Variants in SCAMP1 observed in about 807,000 individuals in gnomAD.
SCAMP1 encodes the protein secretory carrier membrane protein 1.
In SCAMP1, 15 loss-of-function variants were observed where a neutral mutation model predicts 41.8. The ratio of observed to expected loss-of-function variants is 0.36; its 90% CI spans 0.24 to 0.55. SCAMP1 has a LOEUF of 0.55. Ranked by LOEUF, SCAMP1 falls within the 20% of genes least tolerant of loss-of-function variation. The pLI, the probability that SCAMP1 is intolerant of heterozygous loss-of-function variation, is 0.86. For missense variants in SCAMP1, 341 were observed against 412.6 expected (o/e 0.83, Z 1.50); for synonymous variants, 135 against 136.8 (o/e 0.99, Z 0.09).
chr5:78,380,717 A>T (rs1751184289), intron 1 of SCAMP1, among the ~76,000 whole-genome samples: 1 of 152,220 alleles, frequency 6.6e-6, no homozygotes, highest in African/African-American at 2.4e-5. Context: ...CCAGGCATGT[A>T]TGATTAAGAA....
At chr5:78,441,010 G>T (rs755728807) in intron 6 of SCAMP1, among the ~76,000 whole-genome samples, 6 of 152,230 alleles carry the variant, frequency 3.9e-5, no homozygotes, top group South Asian at 2.1e-4. Flanking sequence ...CTCCGAGCCA[G>T]GCACAGGATA....
At chr5:78,442,734 GTATC>G (rs999905158) in intron 6 of SCAMP1, among the ~76,000 whole-genome samples, 4 of 152,144 alleles carry the variant, frequency 2.6e-5, no homozygotes, top group Admixed American at 1.3e-4. Context: ...TCTACATTGA[GTATC>G]AATTCAAATG....
intron 6 of SCAMP1, among the ~76,000 whole-genome samples, chr5:78,447,535 A>T (rs1753080953): frequency 1.3e-5 from 2 of 152,190 alleles, no homozygotes; most frequent in African/African-American, 4.8e-5. Flanking sequence ...TGCTGCTAGA[A>T]CAATTGGATA....
At chr5:78,458,335 C>CT (rs1439017936) in intron 7 of SCAMP1, among the ~76,000 whole-genome samples, 2 of 152,176 alleles carry the variant, frequency 1.3e-5, no homozygotes, top group Non-Finnish European at 2.9e-5. Flanking sequence ...GTGGTTATTA[C>CT]TTTTTATTTT....
intron 2 of SCAMP1, among the ~76,000 whole-genome samples, chr5:78,415,308 G>A (rs562731006): frequency 6.6e-6 from 1 of 152,260 alleles, no homozygotes; most frequent in African/African-American, 2.4e-5. Context: ...GTTATAAGTA[G>A]CAGTCTGATT....
rs2112269352 is a variant in SCAMP1, at chr5:78,480,466, A to G, written c.*4798A>G. Among the ~76,000 whole-genome samples the G allele has an allele frequency of 6.6e-6, 1 of 152,334 alleles. No individual in the cohort carries two copies. The highest frequency in any genetic ancestry group is 6.5e-5 in the Admixed American group (1 of 15,306). On this transcript the variant is annotated 3_prime_UTR_variant, in exon 9 of 9. Coordinates refer to ENST00000621999, the MANE Select transcript of SCAMP1 (RefSeq NM_004866.6). ...TGTATGCCAGTGATTCTCAAGATAA[A>G]TCATGATTGTAGTAGTTGTTACTGT...
intron 6 of SCAMP1, among the ~76,000 whole-genome samples, chr5:78,449,673 G>T (rs1401892457): frequency 1.3e-5 from 2 of 152,176 alleles, no homozygotes; most frequent in Admixed American, 6.5e-5. Context: ...AAGAGGGATT[G>T]TGGTGCAGTT....
chr5:78,459,153 G>A (rs1191864590), intron 7 of SCAMP1, 92 bp from the exon 8 acceptor site: 11 of 696,946 alleles, frequency 1.6e-5, no homozygotes, highest in African/African-American at 3.6e-5. Flanking sequence ...ATATTGCCTG[G>A]CTGATAAGTG....
intron 8 of SCAMP1, among the ~76,000 whole-genome samples, chr5:78,469,894 AAAAAAAAAAAAAAAAAAAC>A (rs1280540529): frequency 2.3e-4 from 8 of 34,966 alleles, no homozygotes; most frequent in South Asian, 1.1e-3. Context: ...AGACATTAAA[AAAAAAAAAAAAAAAAAAAC>A]AAAAAAAAAA....
In SCAMP1 at chr5:78,360,744, A is replaced by C; in HGVS notation, c.57+16A>C. 6.2e-7 allele frequency: 1 copy of C among 1,602,082 alleles called. No homozygotes were observed. The highest frequency in any genetic ancestry group is 8.5e-7 in the Non-Finnish European group (1 of 1,174,762). On this transcript the variant is annotated intron_variant, in intron 1 of 8. Transcript: ENST00000621999. ...TCCCTTCAAGGTGAGCTTCGGCCCC[A>C]GCATCTCCTGCCGCCGCGACGCGTC... is the stretch of plus-strand genomic sequence containing the variant.
In SCAMP1 at chr5:78,436,486, T is replaced by C. The variant is rs142006913; in HGVS notation, c.633-13447T>C. Among the ~76,000 whole-genome samples the C allele has an allele frequency of 8.7e-3, 1,324 of 152,364 alleles. 12 individuals carry two copies. The highest frequency in any genetic ancestry group is 0.025 in the African/African-American group (1,033 of 41,578). Reference sequence around the variant, plus strand: ...CACCATTTATTAAATAGGGAATCCTTTCCCCATTTCTTGTTTTTGTCAGGT... The same window carrying C: ...CACCATTTATTAAATAGGGAATCCTCTCCCCATTTCTTGTTTTTGTCAGGT... On this transcript the variant is annotated intron_variant, in intron 6 of 8. Transcript: ENST00000621999.
At chr5:78,381,210 G>C (rs1275414540) in intron 1 of SCAMP1, among the ~76,000 whole-genome samples, 2 of 152,226 alleles carry the variant, frequency 1.3e-5, no homozygotes, top group Admixed American at 6.5e-5. Flanking sequence ...GCGTGGAGTG[G>C]AGAGACTTGG....
chr5:78,386,116 T>A (rs1394649362), intron 1 of SCAMP1, among the ~76,000 whole-genome samples: 3 of 152,190 alleles, frequency 2.0e-5, no homozygotes. Flanking sequence ...TAGTACTTGT[T>A]TTATAAATTT....
At chr5:78,426,273 T>C (rs937178345) in intron 6 of SCAMP1, among the ~76,000 whole-genome samples, 1 of 152,224 alleles carries the variant, frequency 6.6e-6, no homozygotes, top group Non-Finnish European at 1.5e-5. Flanking sequence ...CATGTGTCTT[T>C]ATGGCAGAAT....
intron 8 of SCAMP1, among the ~76,000 whole-genome samples, chr5:78,469,942 AGCCC>A: frequency 8.9e-6 from 1 of 111,794 alleles, no homozygotes; most frequent in Admixed American, 9.7e-5. Context: ...ACAACAACAC[AGCCC>A]AGGCATGGTG....
intron 1 of SCAMP1, among the ~76,000 whole-genome samples, chr5:78,363,358 G>T (rs921457276): frequency 6.6e-6 from 1 of 151,496 alleles, no homozygotes; most frequent in East Asian, 1.9e-4. Context: ...GACTACAGGC[G>T]CCCGCCACCA....
chr5:78,454,841 A>T (rs1184255702), intron 7 of SCAMP1, among the ~76,000 whole-genome samples: 4 of 152,170 alleles, frequency 2.6e-5, no homozygotes, highest in African/African-American at 9.6e-5. Flanking sequence ...TAAAATATTG[A>T]TTATTGCCAC....
At chr5:78,425,691 G>A (rs905696813) in intron 6 of SCAMP1, among the ~76,000 whole-genome samples, 1 of 151,918 alleles carries the variant, frequency 6.6e-6, no homozygotes, top group African/African-American at 2.4e-5. Context: ...ATCATATACT[G>A]CCATTCCTTG....
In SCAMP1 at chr5:78,382,798, TGTGTGTGTGTGTGTGTGTGTGC is replaced by T. The variant is rs1315935711; in HGVS notation, c.58-6037_58-6016del. Among the ~76,000 whole-genome samples the T allele has an allele frequency of 3.4e-4, 45 of 131,552 alleles. 1 individual carries two copies. Among genetic ancestry groups the T allele is most frequent in the African/African-American group, 6.1e-4 (22 of 36,354 alleles). The allele number at this position is 131,552 out of a possible 152,430, so 86.3% of individuals were successfully genotyped here. Reference sequence around the variant, plus strand: ...CATGGTGTGTGTGTGTGTGTGTGTGTGTGTGTGTGTGTGTGTGTGTGCGCCACATTTTCTGTATCCACTCGTT... The same window carrying T: ...CATGGTGTGTGTGTGTGTGTGTGTGTGCCACATTTTCTGTATCCACTCGTT... On this transcript the variant is annotated intron_variant, in intron 1 of 8. Transcript: ENST00000621999.
Sources: allele counts gnomAD v4.1 joint callset (sites outside exome capture counted in the v4.1 genomes callset), GRCh38; gene constraint gnomAD v4.1.1; transcripts MANE v1.5; gene names NCBI Gene and HGNC (gene_info 2026-07-23, HGNC 2026-07-21).